Variants in ARID3A observed in about 807,000 individuals in gnomAD.
The protein encoded by ARID3A is AT-rich interaction domain 3A.
ARID3A carries 11 observed loss-of-function variants against 52.7 expected under a neutral mutation model. The observed-to-expected ratio is 0.21, with a 90% confidence interval of 0.13 to 0.35. The LOEUF is 0.35. Ranked by LOEUF, ARID3A falls within the 10% of genes least tolerant of loss-of-function variation. The pLI, the probability that ARID3A is intolerant of heterozygous loss-of-function variation, is 1.00. For missense variants in ARID3A, 721 were observed against 838.5 expected, an observed-to-expected ratio of 0.86 and a Z score of 1.73; for synonymous variants, 404 against 359.4, an observed-to-expected ratio of 1.12 and a Z score of -1.40.
At chr19:946,221 T>A (rs1340145548) in intron 3 of ARID3A, among the ~76,000 whole-genome samples, 1 of 152,006 alleles carries the variant, frequency 6.6e-6, no homozygotes, top group African/African-American at 2.4e-5. Flanking sequence ...ATTTTTATTT[T>A]TTTGTTTTTT....
At chr19:945,346 C>G (rs1461708113) in intron 3 of ARID3A, among the ~76,000 whole-genome samples, 1 of 152,230 alleles carries the variant, frequency 6.6e-6, no homozygotes, top group Non-Finnish European at 1.5e-5. Flanking sequence ...CAGGTTTCTC[C>G]TGTAACTCCT....
At position 974,863 on chromosome 19, in the gene ARID3A, G is replaced by A; in HGVS notation, c.*2798G>A. ...TTAACTCCGATGATTGTAGGGACAG[G>A]CGGGGTGGGTGGGGGGTGGGCGCGA... On this transcript the variant is annotated 3_prime_UTR_variant, in exon 9 of 9. Transcript: ENST00000263620. 6.6e-6 allele frequency: 1 copy of A among 152,264 alleles called. No homozygotes were observed. The highest frequency in any genetic ancestry group is 1.4e-5 in the Non-Finnish European group (1 of 70,222). The allele number at this position is 152,264 out of a possible 1,614,324, so 9.4% of individuals were successfully genotyped here.
At position 974,322 on chromosome 19, in the gene ARID3A, G is replaced by T. The variant is rs2145486720; in HGVS notation, c.*2257G>T. ...GGTGGTGGGCGTCTAGGTTTTCCTT[G>T]TCCCTTCCTGGGGCCAGCACCGTAG... On this transcript the variant is annotated 3_prime_UTR_variant, in exon 9 of 9. Coordinates refer to ENST00000263620, the MANE Select transcript of ARID3A (RefSeq NM_005224.3). 2 of 228,526 alleles carry T rather than the reference G, an allele frequency of 8.8e-6. No individual in the cohort carries two copies. Among genetic ancestry groups the T allele is most frequent in the East Asian group, 1.2e-4 (2 of 16,092 alleles). The allele number at this position is 228,526 out of a possible 1,614,324, so 14.2% of individuals were successfully genotyped here.
chr19:934,596 C>T (rs1284048209), intron 3 of ARID3A, among the ~76,000 whole-genome samples: 1 of 152,168 alleles, frequency 6.6e-6, no homozygotes. Flanking sequence ...CCGCACCTGC[C>T]CCCTGGGTGT....
At position 942,075 on chromosome 19, in the gene ARID3A, A is replaced by G. The variant is rs990017772; in HGVS notation, c.693+9333A>G. ...GCGCGTCGGCCGCGGGGCACAGATC[A>G]GCGCCTCCCCTGCCCGCCATGGGCT... On this transcript the variant is annotated intron_variant, in intron 3 of 8. Transcript: ENST00000263620. This position sits in a 1 kb window ranked among gnomAD's most constrained non-coding sequence, Gnocchi z 8.1. Among the ~76,000 whole-genome samples the G allele has an allele frequency of 3.9e-5, 6 of 151,992 alleles. No individual in the cohort carries two copies. The highest frequency in any genetic ancestry group is 7.4e-5 in the Non-Finnish European group (5 of 67,982).
rs373835356 is a variant in ARID3A at position 968,522 on chromosome 19, C to G, written c.1594+19C>G. ...TACACAGGTAGGACCCCTGAGGCCA[C>G]GCCCTGCCTGGACCTCGCCTCTCCC... On this transcript the variant is annotated intron_variant, in intron 8 of 8. Transcript: ENST00000263620. 5 of 1,609,396 alleles carry G rather than the reference C, an allele frequency of 3.1e-6. No homozygotes were observed. Among genetic ancestry groups the G allele is most frequent in the Non-Finnish European group, 3.4e-6 (4 of 1,176,548 alleles).
At chr19:961,368 G>A (rs779647870) in intron 4 of ARID3A, among the ~76,000 whole-genome samples, 3 of 152,208 alleles carry the variant, frequency 2.0e-5, no homozygotes, top group East Asian at 1.9e-4. Flanking sequence ...AACCCCTCCC[G>A]TGCTGGGAAC....
At position 942,029 on chromosome 19, in the gene ARID3A, C is replaced by T. The variant is rs898752157; in HGVS notation, c.693+9287C>T. ...CCCCCGGGGCTGCTAGAGAGTGGCGCTGTCTGTCTTGGTCAGCAGCGCGCG... is the reference window on the plus strand; with the variant it reads ...CCCCCGGGGCTGCTAGAGAGTGGCGTTGTCTGTCTTGGTCAGCAGCGCGCG... On this transcript the variant is annotated intron_variant, in intron 3 of 8. Coordinates refer to ENST00000263620, the MANE Select transcript of ARID3A (RefSeq NM_005224.3). The surrounding 1 kb of genome is among the most constrained non-coding windows in gnomAD (Gnocchi z 8.1). Among the ~76,000 whole-genome samples the T allele has an allele frequency of 6.6e-6, 1 of 152,178 alleles. No homozygotes were observed. Among genetic ancestry groups the T allele is most frequent in the Non-Finnish European group, 1.5e-5 (1 of 68,038 alleles).
At chr19:950,652 G>C (rs2037786575) in intron 3 of ARID3A, among the ~76,000 whole-genome samples, 1 of 152,170 alleles carries the variant, frequency 6.6e-6, no homozygotes, top group African/African-American at 2.4e-5. Context: ...GGAGAGACCT[G>C]GTTTGATCTT....
intron 3 of ARID3A, among the ~76,000 whole-genome samples, chr19:954,814 G>A (rs567245054): frequency 9.9e-5 from 15 of 151,490 alleles, no homozygotes; most frequent in East Asian, 3.9e-4. Flanking sequence ...GAAGGCGGCC[G>A]CTCGGGGCTG....
In ARID3A at chr19:938,139, C is replaced by T. The variant is rs1039707891; in HGVS notation, c.693+5397C>T. Among the ~76,000 whole-genome samples, 2 of 152,014 alleles carry T rather than the reference C, an allele frequency of 1.3e-5. No individual in the cohort carries two copies. Among genetic ancestry groups the T allele is most frequent in the African/African-American group, 2.4e-5 (1 of 41,340 alleles). On this transcript the variant is annotated intron_variant, in intron 3 of 8. Transcript: ENST00000263620. This position sits in a 1 kb window ranked among gnomAD's most constrained non-coding sequence, Gnocchi z 4.0. ...GATCACAGACGTGAGCCACCGCGCC[C>T]GGCCTGTTGTCGACTTTTGATCCTA...
At chr19:931,967 C>T (rs1021118640) in intron 2 of ARID3A, among the ~76,000 whole-genome samples, 7 of 149,704 alleles carry the variant, frequency 4.7e-5, no homozygotes, top group African/African-American at 1.5e-4. Context: ...ATGCATGGTG[C>T]AGGATGCAGG....
intron 2 of ARID3A, among the ~76,000 whole-genome samples, chr19:930,361 G>A (rs1362018788): frequency 1.3e-5 from 2 of 151,344 alleles, no homozygotes; most frequent in Non-Finnish European, 2.9e-5. Flanking sequence ...AGACCAGCCC[G>A]GCCAACATGG....
At chr19:949,483 TG>T (rs2037760722) in intron 3 of ARID3A, among the ~76,000 whole-genome samples, 1 of 152,126 alleles carries the variant, frequency 6.6e-6, no homozygotes, top group African/African-American at 2.4e-5. Context: ...ACACCAGCAT[TG>T]GAGGAAGGAA....
At chr19:951,790 C>T (rs975116183) in intron 3 of ARID3A, among the ~76,000 whole-genome samples, 17 of 152,158 alleles carry the variant, frequency 1.1e-4, no homozygotes, top group East Asian at 1.9e-4. Flanking sequence ...GGAAAACATA[C>T]TTCTTCAGTT....
rs2038022699 is a variant in ARID3A, at chr19:960,703, G to C, written c.766+539G>C. On this transcript the variant is annotated intron_variant, in intron 4 of 8. Coordinates refer to ENST00000263620, the MANE Select transcript of ARID3A (RefSeq NM_005224.3). The surrounding 1 kb of genome is among the most constrained non-coding windows in gnomAD (Gnocchi z 4.3). ...CTCAGTTTCCCCATCTGTAAAAACGGGCCACAAACAGTCCCTGCCCAAAAC... is the reference window on the plus strand; with the variant it reads ...CTCAGTTTCCCCATCTGTAAAAACGCGCCACAAACAGTCCCTGCCCAAAAC... Among the ~76,000 whole-genome samples the C allele has an allele frequency of 6.6e-6, 1 of 152,080 alleles. No homozygotes were observed. Among genetic ancestry groups the C allele is most frequent in the Non-Finnish European group, 1.5e-5 (1 of 68,020 alleles).
chr19:950,963 C>T (rs1470533707), intron 3 of ARID3A, among the ~76,000 whole-genome samples: 4 of 152,120 alleles, frequency 2.6e-5, no homozygotes, highest in South Asian at 4.2e-4. Context: ...GCTGGGGTTA[C>T]GGGCATGCAC....
rs2037700468 is a variant in ARID3A, at chr19:947,038, GCCCACCTCGGCCT to G, written c.694-13048_694-13036del. On this transcript the variant is annotated intron_variant, in intron 3 of 8. Transcript: ENST00000263620. The surrounding 1 kb of genome is among the most constrained non-coding windows in gnomAD (Gnocchi z 6.3). The stretch of plus-strand genomic sequence containing the variant: ...TCAAACTCCTGGGCTCGAGCAGTCT[GCCCACCTCGGCCT>G]CCCACAGTGCTGGGATCAAAGGTGG... Among the ~76,000 whole-genome samples, 1 of 150,764 alleles carries G rather than the reference GCCCACCTCGGCCT, an allele frequency of 6.6e-6. No homozygotes were observed. Among genetic ancestry groups the G allele is most frequent in the Non-Finnish European group, 1.5e-5 (1 of 67,864 alleles).
intron 1 of ARID3A, among the ~76,000 whole-genome samples, chr19:926,703 G>A (rs1448903869): frequency 1.3e-5 from 2 of 150,972 alleles, no homozygotes; most frequent in Non-Finnish European, 3.0e-5. Flanking sequence ...GGGCCCGGGC[G>A]CCCGGTTCCT....
Sources: allele counts gnomAD v4.1 joint callset (sites outside exome capture counted in the v4.1 genomes callset), GRCh38; gene constraint gnomAD v4.1.1; non-coding constraint Gnocchi (gnomAD v3.1); transcripts MANE v1.5; gene names NCBI Gene and HGNC (gene_info 2026-07-23, HGNC 2026-07-21).